ACO1: variants seen among roughly 807,000 people sequenced by gnomAD.
ACO1 encodes the protein cytoplasmic aconitate hydratase.
In ACO1, 78 loss-of-function variants were observed where a neutral mutation model predicts 105.1. The observed-to-expected ratio is 0.74, with a 90% CI of 0.62 to 0.90. The LOEUF is 0.90. ACO1 is among the 40% of genes least tolerant of loss of function. ACO1 has a pLI of 0.00. For synonymous variants in ACO1, 364 were observed against 397.4 expected, an observed-to-expected ratio of 0.92 and a Z score of 1.00; for missense variants, 965 against 1,111.1, an observed-to-expected ratio of 0.87 and a Z score of 1.87.
At chr9:32,399,423 A>G in intron 1 of ACO1, among the ~76,000 whole-genome samples, 1 of 152,330 alleles carries the variant, frequency 6.6e-6, no homozygotes, top group East Asian at 1.9e-4. Context: ...GTAAATATGA[A>G]TTCTATTGCC....
At chr9:32,402,508 A>T (rs1181442497) in intron 1 of ACO1, among the ~76,000 whole-genome samples, 7 of 152,150 alleles carry the variant, frequency 4.6e-5, no homozygotes, top group African/African-American at 1.7e-4. Flanking sequence ...CCTGTGCTTT[A>T]TGTGGATGTG....
chr9:32,424,064 T>C (rs1822033911), intron 9 of ACO1, among the ~76,000 whole-genome samples: 1 of 152,142 alleles, frequency 6.6e-6, no homozygotes, highest in African/African-American at 2.4e-5. Context: ...CTGCGACCCA[T>C]GTTTGGTTTC....
At chr9:32,386,797 A>G (rs1459015385) in intron 1 of ACO1, among the ~76,000 whole-genome samples, 1 of 151,734 alleles carries the variant, frequency 6.6e-6, no homozygotes, top group Non-Finnish European at 1.5e-5. Flanking sequence ...TTCTTTCAGT[A>G]GATTTTTATT....
chr9:32,407,733 G>A (rs997188208), intron 3 of ACO1, among the ~76,000 whole-genome samples: 1 of 152,086 alleles, frequency 6.6e-6, no homozygotes, highest in South Asian at 2.1e-4. Context: ...CAAAGAAATA[G>A]CATGGAATAG....
rs1176872544 is a variant in ACO1 at position 32,427,432 on chromosome 9, C to G, written c.1480C>G (p.Leu494Val). The part of the protein sequence containing the change: ...ESGVMPYLSQ[L>V]GFDVVGYGCM... ...CGGAGTCATGCCTTATCTGTCTCAGCTTGGGTGAGGGAGAGTTTTCTTTTG... is the reference window on the plus strand; with the variant it reads ...CGGAGTCATGCCTTATCTGTCTCAGGTTGGGTGAGGGAGAGTTTTCTTTTG... The change falls in exon 12 of 21, where the codon CTT (leucine) becomes GTT (valine). Residue 494 changes from leucine (L) to valine (V), a missense_variant. Leu to Val is a conservative substitution (Grantham distance 32, BLOSUM62 1). Transcript: ENST00000309951. 6.2e-7 allele frequency: 1 copy of G among 1,614,178 alleles called. No individual in the cohort carries two copies. Among genetic ancestry groups the G allele is most frequent in the Admixed American group, 1.7e-5 (1 of 60,020 alleles).
chr9:32,413,823 C>G, intron 4 of ACO1, among the ~76,000 whole-genome samples: 1 of 152,072 alleles, frequency 6.6e-6, no homozygotes, highest in Admixed American at 6.5e-5. Context: ...TACAAAGTTA[C>G]CTCACCTTTT....
chr9:32,441,975 C>T (rs58053619), intron 19 of ACO1, among the ~76,000 whole-genome samples: 6,720 of 152,204 alleles, frequency 0.044, 466 homozygotes, highest in African/African-American at 0.15. Flanking sequence ...AGCTTTCTAC[C>T]TCCCTAGAAT....
At position 32,425,899 on chromosome 9, in the gene ACO1, A is replaced by T. The variant is rs199591033; in HGVS notation, c.1250A>T (p.Tyr417Phe). The change falls in exon 11 of 21, where the codon TAT becomes TTT. Residue 417 changes from tyrosine to phenylalanine, a missense_variant. Tyr to Phe is a conservative substitution (Grantham distance 22). Transcript: ENST00000309951. ...EHHNDHKTFI[Y>F]DNTEFTLAHG... ...CATAATGACCATAAGACCTTTATCTATGATAACACTGAATTCACCCTTGCT... is the reference window on the plus strand; with the variant it reads ...CATAATGACCATAAGACCTTTATCTTTGATAACACTGAATTCACCCTTGCT... 24 of 1,613,992 alleles carry T rather than the reference A, an allele frequency of 1.5e-5. No homozygotes were observed. Among genetic ancestry groups the T allele is most frequent in the Non-Finnish European group, 1.9e-5 (23 of 1,179,876 alleles).
At position 32,451,146 on chromosome 9, in the gene ACO1, A is replaced by G. The variant is rs7042042; in HGVS notation, c.*1035A>G. 93,878 of 151,888 alleles carry G rather than the reference A, an allele frequency of 0.62. 29,205 individuals carry two copies. Among genetic ancestry groups the G allele is most frequent in the Non-Finnish European group, 0.66 (45,179 of 67,966 alleles). 9.4% of individuals were successfully genotyped at this position (151,888 alleles called of 1,614,324 possible). On this transcript the variant is annotated 3_prime_UTR_variant, in exon 21 of 21. Transcript: ENST00000309951. ...TCTGCTCATTTTTACCCCTGTAGTC[A>G]TTTCTGGGCATGCCTTAGTTTGCTT...
intron 19 of ACO1, chr9:32,445,554 A>T: frequency 3.7e-6 from 1 of 267,676 alleles, no homozygotes; most frequent in South Asian, 3.2e-5. Context: ...CTTTTCAAAA[A>T]ACCAGCTCCT....
chr9:32,442,797 A>C (rs1822511347), intron 19 of ACO1, among the ~76,000 whole-genome samples: 2 of 152,290 alleles, frequency 1.3e-5, no homozygotes, highest in South Asian at 4.1e-4. Context: ...CATTTGTCAG[A>C]CTTCATGGGT....
At chr9:32,395,829 A>G (rs1418472629) in intron 1 of ACO1, among the ~76,000 whole-genome samples, 2 of 152,252 alleles carry the variant, frequency 1.3e-5, no homozygotes, top group African/African-American at 4.8e-5. Flanking sequence ...AGTGACACTA[A>G]AAAGTAAAAG....
At chr9:32,408,750 T>G (rs1821671008) in intron 4 of ACO1, 99 bp downstream of exon 4, 3 of 1,356,772 alleles carry the variant, frequency 2.2e-6, no homozygotes, top group Non-Finnish European at 2.0e-6. Flanking sequence ...GAAGAAAATC[T>G]TTCAAAGATA....
At chr9:32,444,109 TG>T (rs1187981950) in intron 19 of ACO1, among the ~76,000 whole-genome samples, 8 of 152,212 alleles carry the variant, frequency 5.3e-5, no homozygotes, top group African/African-American at 1.9e-4. Context: ...CTGAGGATGA[TG>T]GTTTCCAGCT....
rs754480816 is a variant in ACO1, at chr9:32,424,619, C to T, written c.1142C>T (p.Ala381Val). ...SGPKRPQDKVAVSDMKKDFES... is the reference protein window; with the variant it reads ...SGPKRPQDKVVVSDMKKDFES... ...CCCAAAAGGCCTCAGGACAAAGTTGCTGTGTCCGACATGAAAAAGGACTTT... is the reference window on the plus strand; with the variant it reads ...CCCAAAAGGCCTCAGGACAAAGTTGTTGTGTCCGACATGAAAAAGGACTTT... The change falls in exon 10 of 21, where the codon GCT becomes GTT. Residue 381 changes from alanine (A) to valine (V), a missense_variant. Coordinates refer to ENST00000309951, the MANE Select transcript of ACO1 (RefSeq NM_002197.3). 6.2e-7 allele frequency: 1 copy of T among 1,614,116 alleles called. No individual in the cohort carries two copies. The highest frequency in any genetic ancestry group is 8.5e-7 in the Non-Finnish European group (1 of 1,179,990).
rs770860316 is a variant in ACO1 at position 32,418,491 on chromosome 9, G to C, written c.638G>C (p.Gly213Ala). 1.2e-6 allele frequency: 2 copies of C among 1,612,896 alleles called. No homozygotes were observed. The highest frequency in any genetic ancestry group is 1.7e-5 in the Admixed American group (1 of 59,956). The change falls in exon 6 of 21, where the codon GGC becomes GCC. Residue 213 changes from glycine (G) to alanine (A), a missense_variant. Transcript: ENST00000309951. ...GACTCGCACACTACCATGATTGATG[G>C]CTTGGGCATTCTTGGTTGGGGTGAG... is the stretch of plus-strand genomic sequence containing the variant. ...GTDSHTTMID[G>A]LGILGWGVGG...
chr9:32,408,762 C>G (rs1458447158), intron 4 of ACO1, 111 bp downstream of exon 4: 19 of 1,308,968 alleles, frequency 1.5e-5, no homozygotes, highest in Non-Finnish European at 1.9e-5. Context: ...TCAAAGATAT[C>G]TTCTGAAAAA....
intron 1 of ACO1, among the ~76,000 whole-genome samples, chr9:32,403,796 A>G (rs1587519499): frequency 6.6e-6 from 1 of 151,992 alleles, no homozygotes; most frequent in African/African-American, 2.4e-5. Context: ...GTTTCCCACC[A>G]CTTCCCCTGC....
intron 1 of ACO1, among the ~76,000 whole-genome samples, chr9:32,395,663 T>A (rs972781216): frequency 9.2e-5 from 14 of 152,190 alleles, no homozygotes; most frequent in African/African-American, 1.7e-4. Context: ...CCGGGTCAGA[T>A]GCCGGGTTCT....
Sources: allele counts gnomAD v4.1 joint callset (sites outside exome capture counted in the v4.1 genomes callset), GRCh38; gene constraint gnomAD v4.1.1; transcripts MANE v1.5; gene names NCBI Gene and HGNC (gene_info 2026-07-23, HGNC 2026-07-21).